The following NLGN4X variants were observed in gnomAD, a reference collection of about 807,000 sequenced individuals.
The protein encoded by NLGN4X is neuroligin 4 X-linked.
A neutral mutation model predicts 40.3 loss-of-function variants in NLGN4X; 3 were observed. The ratio of observed to expected loss-of-function variants is 0.07; its 90% CI spans 0.03 to 0.19. NLGN4X has a LOEUF of 0.19. NLGN4X is among the 10% of genes least tolerant of loss of function. The pLI is 1.00. For missense variants in NLGN4X, 382 were observed against 708.3 expected, an observed-to-expected ratio of 0.54 and a Z score of 5.23; for synonymous variants, 270 against 306.8, an observed-to-expected ratio of 0.88 and a Z score of 1.25.
intron 1 of NLGN4X, among the ~76,000 whole-genome samples, chrX:6,174,378 A>T (rs2040676973): frequency 8.9e-6 from 1 of 112,335 alleles, no homozygotes; most frequent in Non-Finnish European, 1.9e-5. Context: ...GAGATTTCTC[A>T]AAGGACTTAA....
At chrX:6,023,177 A>G (rs1029193585) in intron 3 of NLGN4X, among the ~76,000 whole-genome samples, 2 of 111,429 alleles carry the variant, frequency 1.8e-5, no homozygotes, top group Non-Finnish European at 1.9e-5. Flanking sequence ...TAGGACACCA[A>G]ATTTCCTGAT....
intron 5 of NLGN4X, among the ~76,000 whole-genome samples, chrX:5,897,292 G>A (rs2146701113): frequency 9.0e-6 from 1 of 111,625 alleles, no homozygotes; most frequent in East Asian, 2.8e-4. Context: ...TTTCCACACA[G>A]AGCTCAAAAT....
chrX:6,006,391 G>A (rs1387221544), intron 3 of NLGN4X, among the ~76,000 whole-genome samples: 1 of 110,112 alleles, frequency 9.1e-6, no homozygotes, highest in African/African-American at 3.3e-5. Flanking sequence ...AGATCCAAAC[G>A]CCAGATTAAC....
chrX:6,064,423 CT>C (rs1450123280), intron 2 of NLGN4X, among the ~76,000 whole-genome samples: 1 of 111,732 alleles, frequency 8.9e-6, no homozygotes, highest in Non-Finnish European at 1.9e-5. Flanking sequence ...TTCAAGATGT[CT>C]TTTTTCCTCC....
intron 2 of NLGN4X, among the ~76,000 whole-genome samples, chrX:6,055,043 T>C (rs1204856403): frequency 8.9e-6 from 1 of 112,081 alleles, no homozygotes; most frequent in African/African-American, 3.2e-5. Flanking sequence ...CTACTGTACT[T>C]CTCCCAATGG....
intron 1 of NLGN4X, among the ~76,000 whole-genome samples, chrX:6,167,993 T>G (rs192526959): frequency 8.9e-6 from 1 of 112,335 alleles, no homozygotes; most frequent in African/African-American, 3.2e-5. Flanking sequence ...TGGATCTTTC[T>G]TTCACTACAG....
chrX:6,107,171 G>A (rs1051038656), intron 2 of NLGN4X, among the ~76,000 whole-genome samples: 3 of 112,103 alleles, frequency 2.7e-5, no homozygotes, highest in Non-Finnish European at 5.6e-5. Flanking sequence ...TCACTTGATC[G>A]TTGTGCTGGA....
intron 3 of NLGN4X, among the ~76,000 whole-genome samples, chrX:6,019,706 G>C (rs535379579): frequency 1.2e-4 from 13 of 111,288 alleles, no homozygotes; most frequent in African/African-American, 3.9e-4. Context: ...AAGAGGGCAC[G>C]TCAACCTCAT....
At chrX:6,130,119 A>G (rs188812849) in intron 2 of NLGN4X, among the ~76,000 whole-genome samples, 36 of 111,288 alleles carry the variant, frequency 3.2e-4, no homozygotes, top group African/African-American at 1.1e-3. Context: ...AAACTCCTGG[A>G]TCAAGTGATT....
In NLGN4X at chrX:5,891,548, G is replaced by A. The variant is rs2031172625; in HGVS notation, c.*1269C>T. 3 of 280,909 alleles carry A rather than the reference G, an allele frequency of 1.1e-5. No homozygotes were observed. Among genetic ancestry groups the A allele is most frequent in the South Asian group, 3.5e-5 (1 of 28,750 alleles). 23.2% of individuals were successfully genotyped at this position (280,909 alleles called of 1,213,427 possible). ...GCCAAACCCTCCCGCAGCTGCTAGG[G>A]AACACAGAGCCGTATTTACTCCAAG... On this transcript the variant is annotated 3_prime_UTR_variant, in exon 6 of 6. Transcript: ENST00000381095.
intron 2 of NLGN4X, among the ~76,000 whole-genome samples, chrX:6,141,304 C>T: frequency 9.0e-6 from 1 of 111,543 alleles, no homozygotes; most frequent in Non-Finnish European, 1.9e-5. Flanking sequence ...GCTTCCAGTA[C>T]CCCACTCAGG....
At chrX:6,109,181 G>A (rs1055175480) in intron 2 of NLGN4X, among the ~76,000 whole-genome samples, 11 of 110,429 alleles carry the variant, frequency 1.0e-4, no homozygotes, top group Admixed American at 4.8e-4. Context: ...GTGGAGGGTC[G>A]TTTGAGCCCA....
chrX:5,917,112 C>G (rs968616626), intron 3 of NLGN4X, among the ~76,000 whole-genome samples: 1 of 112,509 alleles, frequency 8.9e-6, no homozygotes, highest in Non-Finnish European at 1.9e-5. Flanking sequence ...TCCCCAAGAT[C>G]TAGGGCGCCC....
At chrX:6,220,782 A>C (rs113246335) in intron 1 of NLGN4X, among the ~76,000 whole-genome samples, 2 of 83,749 alleles carry the variant, frequency 2.4e-5, no homozygotes, top group African/African-American at 9.9e-5. Context: ...CTGTCACCCA[A>C]GCTACAGTGC....
intron 1 of NLGN4X, among the ~76,000 whole-genome samples, chrX:6,185,658 G>A (rs1921945577): frequency 8.9e-6 from 1 of 112,230 alleles, no homozygotes; most frequent in South Asian, 3.7e-4. Context: ...CAGTGAAGCG[G>A]AATAAAAATC....
rs928990195 is a variant in NLGN4X, at chrX:5,890,667, G to C, written c.*2150C>G. On this transcript the variant is annotated 3_prime_UTR_variant, in exon 6 of 6. Coordinates refer to ENST00000381095, the MANE Select transcript of NLGN4X (RefSeq NM_181332.3). ...CATAGCTCTATGAAACAATGAATTC[G>C]GAATGAAATCTTACCATGACACCTC... 3.1e-6 allele frequency: 1 copy of C among 321,693 alleles called. No individual in the cohort carries two copies. The highest frequency in any genetic ancestry group is 2.7e-5 in the African/African-American group (1 of 37,300). 26.5% of individuals were successfully genotyped at this position (321,693 alleles called of 1,213,427 possible).
intron 2 of NLGN4X, among the ~76,000 whole-genome samples, chrX:6,077,270 TTGTGTGTGTG>T (rs201491267): frequency 1.3e-5 from 1 of 78,169 alleles, no homozygotes; most frequent in African/African-American, 4.0e-5. Context: ...AAATTTTATT[TTGTGTGTGTG>T]TGTGTGTGTG....
intron 3 of NLGN4X, among the ~76,000 whole-genome samples, chrX:5,963,568 G>A (rs746284036): frequency 9.0e-6 from 1 of 111,691 alleles, no homozygotes; most frequent in Non-Finnish European, 1.9e-5. Context: ...AAAACAACAA[G>A]GTAGGAGAAT....
At chrX:6,005,924 T>C (rs2036092217) in intron 3 of NLGN4X, among the ~76,000 whole-genome samples, 2 of 111,098 alleles carry the variant, frequency 1.8e-5, no homozygotes, top group African/African-American at 6.5e-5. Flanking sequence ...CATCCAGGAG[T>C]CCTCACCTCC....
Sources: allele counts gnomAD v4.1 joint callset (sites outside exome capture counted in the v4.1 genomes callset), GRCh38; gene constraint gnomAD v4.1.1; transcripts MANE v1.5; gene names NCBI Gene and HGNC (gene_info 2026-07-23, HGNC 2026-07-21).